CTBP2: variants seen among roughly 807,000 people sequenced by gnomAD.
CTBP2 encodes C-terminal binding protein 2.
CTBP2 carries 30 observed loss-of-function variants against 80.3 expected under a neutral mutation model. That is an observed-to-expected ratio of 0.37 (90% CI 0.28 to 0.51). CTBP2 has a LOEUF of 0.51. Among genes scored for constraint, CTBP2 ranks in the 20% least tolerant of loss-of-function variants. CTBP2 has a pLI of 0.93. For missense variants in CTBP2, 1,212 were observed against 1,375.3 expected (o/e 0.88, Z 1.88); for synonymous variants, 594 against 587.4 (o/e 1.01, Z -0.16).
intron 1 of CTBP2, among the ~76,000 whole-genome samples, chr10:125,134,871 T>TCCTCCTG (rs201856798): frequency 6.3e-5 from 9 of 142,864 alleles, no homozygotes; most frequent in South Asian, 4.6e-4. Context: ...GCTGCTTAGC[T>TCCTCCTG]CCTCCTGCCT....
intron 1 of CTBP2, among the ~76,000 whole-genome samples, chr10:125,119,857 G>A (rs1854018997): frequency 1.3e-5 from 2 of 152,236 alleles, no homozygotes; most frequent in African/African-American, 4.8e-5. Context: ...AAGCTGGGGT[G>A]CAGAAAGTGA....
chr10:125,144,238 T>G (rs1028541939), intron 1 of CTBP2, among the ~76,000 whole-genome samples: 1 of 152,112 alleles, frequency 6.6e-6, no homozygotes, highest in East Asian at 1.9e-4. Context: ...GCCTTCGAAT[T>G]TGCACCCACC....
intron 3 of CTBP2, 55 bp downstream of exon 5, chr10:125,002,905 C>A (rs1954724202): frequency 6.3e-7 from 1 of 1,596,900 alleles, no homozygotes; most frequent in Non-Finnish European, 8.5e-7. Context: ...CCCACCCGAG[C>A]AGGGCCCACA....
chr10:125,055,554 C>T (rs2135263968), intron 2 of CTBP2, among the ~76,000 whole-genome samples: 1 of 152,248 alleles, frequency 6.6e-6, no homozygotes, highest in East Asian at 1.9e-4. Flanking sequence ...TCTCCCGCTC[C>T]CCCAGAAGCA....
At chr10:124,994,829 G>T in intron 4 of CTBP2, 146 bp from the exon 7 acceptor site, 2 of 841,708 alleles carry the variant, frequency 2.4e-6, no homozygotes, top group Non-Finnish European at 3.8e-6. Context: ...GCTTAGTGAG[G>T]CCTGAGGCGA....
At chr10:125,022,141 C>T (rs1957107178) in intron 1 of CTBP2, among the ~76,000 whole-genome samples, 1 of 152,340 alleles carries the variant, frequency 6.6e-6, no homozygotes, top group Middle Eastern at 3.4e-3. Context: ...GTGGCCTCTC[C>T]CCTGGCCCCA....
chr10:125,158,555 GCAT>G (rs1861345883), intron 1 of CTBP2: 1 of 152,080 alleles, frequency 6.6e-6, no homozygotes, highest in Non-Finnish European at 1.5e-5. Context: ...CCAGCCACTC[GCAT>G]CAGACTCTCT....
upstream of CTBP2, among the ~76,000 whole-genome samples, chr10:125,161,804 G>A (rs867199950): frequency 3.9e-5 from 6 of 152,330 alleles, no homozygotes; most frequent in Non-Finnish European, 7.4e-5. Context: ...GGGTCTCGAG[G>A]AGGGAGGCGC....
chr10:125,019,221 A>G (rs1956815019), intron 1 of CTBP2, among the ~76,000 whole-genome samples: 1 of 152,220 alleles, frequency 6.6e-6, no homozygotes, highest in South Asian at 2.1e-4. Context: ...AGCCAGCCTC[A>G]GAGTGGGAAA....
At chr10:125,005,894 C>G in intron 1 of CTBP2, 2 of 1,523,600 alleles carry the variant, frequency 1.3e-6, no homozygotes, top group Non-Finnish European at 1.8e-6. Context: ...GAGAGAGTGC[C>G]TGATTATAAG....
rs72830853 is a variant in CTBP2 at position 125,028,012 on chromosome 10, C to T, written c.-253G>A. ...CCAGAGAGGTCTGTTCCTTACAGCT[C>T]AGTCCCGGAGAGGAGGCTGTCCCCA... On this transcript the variant is annotated 5_prime_UTR_variant, in exon 1 of 9. Coordinates refer to ENST00000309035, the MANE Select transcript of CTBP2 (RefSeq NM_022802.3). 7.7e-3 allele frequency: 8,268 copies of T among 1,076,148 alleles called. 37 individuals carry two copies. Among genetic ancestry groups the T allele is most frequent in the Non-Finnish European group, 9.2e-3 (7,603 of 824,662 alleles). The allele number at this position is 1,076,148 out of a possible 1,614,324, so 66.7% of individuals were successfully genotyped here.
At chr10:125,119,390 G>A (rs1292499781) in intron 1 of CTBP2, among the ~76,000 whole-genome samples, 1 of 152,170 alleles carries the variant, frequency 6.6e-6, no homozygotes, top group Non-Finnish European at 1.5e-5. Context: ...CTCCCCCTAG[G>A]GAATCCTTAG....
Position 125,026,333 on chromosome 10 carries a change from G to T in CTBP2, c.1427C>A (p.Pro476His), listed in dbSNP as rs1237965073. ...GTATGCCGTGGAGTAGGCTGTTCTG[G>T]GGCCTGGGTGAAGGGGGTTTGAGGG... Residue 476 changes from proline (P) to histidine (H), a missense_variant, in exon 1 of 9, where the codon CCC becomes CAC. Pro to His is a moderately conservative substitution (Grantham distance 77, BLOSUM62 -2). Around this residue, in one of 3 missense-constraint regions of CTBP2, gnomAD observed 848 missense variants for 782.3 expected, o/e 1.08. Transcript: ENST00000309035. 6.2e-7 allele frequency: 1 copy of T among 1,613,794 alleles called. No homozygotes were observed. Among genetic ancestry groups the T allele is most frequent in the Non-Finnish European group, 8.5e-7 (1 of 1,179,982 alleles).
chr10:125,016,035 C>T (rs1174093776), intron 1 of CTBP2, among the ~76,000 whole-genome samples: 1 of 152,212 alleles, frequency 6.6e-6, no homozygotes, highest in Non-Finnish European at 1.5e-5. Flanking sequence ...TACCCGGATC[C>T]CTGCACCTCA....
intron 1 of CTBP2, among the ~76,000 whole-genome samples, chr10:125,150,504 T>C (rs1214880497): frequency 6.6e-6 from 1 of 152,086 alleles, no homozygotes. Context: ...GACATTCCCG[T>C]GTCCCAGTCA....
rs10700714 is a variant in CTBP2 at position 125,130,041 on chromosome 10, C to CTT, written c.-205-18950_-205-18949dup. Among the ~76,000 whole-genome samples, 655 of 143,190 alleles carry CTT rather than the reference C, an allele frequency of 4.6e-3. 4 individuals are homozygous for CTT. The highest frequency in any genetic ancestry group is 0.015 in the African/African-American group (587 of 38,684). The allele number at this position is 143,190 out of a possible 152,430, so 93.9% of individuals were successfully genotyped here. On this transcript the variant is annotated intron_variant, in intron 1 of 10. Coordinates refer to the CTBP2 transcript ENST00000337195. ...CAGGTATAGCCCACAGGATTTCTCT[C>CTT]TTTTTTTTTTTTTTTCTTCTTTTGA...
chr10:125,026,363 G>A lies in CTBP2; in HGVS notation c.1397C>T (p.Pro466Leu), dbSNP rs199695652. The change falls in exon 1 of 9, where the codon CCG becomes CTG. Residue 466 changes from proline (P) to leucine (L), a missense_variant. Around this residue, in one of 3 missense-constraint regions of CTBP2, gnomAD observed 848 missense variants for 782.3 expected, o/e 1.08. Transcript: ENST00000309035. The stretch of plus-strand genomic sequence containing the variant: ...TGGGTGAAGGGGGTTTGAGGGGCCC[G>A]GGTTAGTCAAGGCCACCCCTGCCTG... 5.1e-5 allele frequency: 82 copies of A among 1,613,378 alleles called. 1 individual carries two copies. In the South Asian group the frequency reaches 5.7e-4, roughly 11 times the overall value.
rs1954683557 is a variant in CTBP2, at chr10:125,002,621, G to A, written c.1978+339C>T. 2.0e-5 allele frequency among the ~76,000 whole-genome samples: 3 copies of A among 152,318 alleles called. No individual in the cohort carries two copies. The South Asian group carries it at 6.2e-4, about 32-fold the overall frequency. ...GGTCATTTAGGGGACGCACCCAGCA[G>A]GGGTGGTTTAGAGGACATGTGGCCA... On this transcript the variant is annotated intron_variant, in intron 3 of 8. Transcript: ENST00000309035.
intron 2 of CTBP2, among the ~76,000 whole-genome samples, chr10:125,073,451 C>T (rs1845819077): frequency 6.6e-6 from 1 of 152,188 alleles, no homozygotes; most frequent in Non-Finnish European, 1.5e-5. Flanking sequence ...ACCATGTTGG[C>T]CAGGCTGGTC....
Sources: allele counts gnomAD v4.1 joint callset (sites outside exome capture counted in the v4.1 genomes callset), GRCh38; gene constraint gnomAD v4.1.1; regional missense constraint gnomAD v4.1.1; transcripts MANE v1.5; gene names NCBI Gene and HGNC (gene_info 2026-07-23, HGNC 2026-07-21).